Variants in ARHGAP45 observed in about 807,000 individuals in gnomAD.
The protein encoded by ARHGAP45 is rho GTPase-activating protein 45.
A neutral mutation model predicts 116.1 loss-of-function variants in ARHGAP45; 56 were observed. The ratio of observed to expected loss-of-function variants is 0.48; its 90% CI spans 0.39 to 0.60. ARHGAP45 has a LOEUF of 0.60. Ranked by LOEUF, ARHGAP45 falls within the 20% of genes least tolerant of loss-of-function variation. The probability of loss-of-function intolerance (pLI) is 0.00; values close to 1 mark genes in which losing one functional copy is unlikely to be tolerated. For missense variants in ARHGAP45, 1,622 were observed against 1,601.0 expected (o/e 1.01, Z -0.22); for synonymous variants, 866 against 701.7 (o/e 1.23, Z -3.70).
chr19:1,077,663 G>C (rs2043289843), intron 10 of ARHGAP45, 194 bp from the exon 11 acceptor site: 1 of 1,454,018 alleles, frequency 6.9e-7, no homozygotes, highest in African/African-American at 1.4e-5. Context: ...TGGGATTACA[G>C]ACGTGAGCCA....
chr19:1,084,989 G>C (rs1028272463), intron 22 of ARHGAP45, among the ~76,000 whole-genome samples: 3 of 152,182 alleles, frequency 2.0e-5, no homozygotes, highest in African/African-American at 7.2e-5. Context: ...GGCTGAAGCA[G>C]GAGAATCACT....
chr19:1,078,025 G>A lies in ARHGAP45; in HGVS notation c.1354G>A (p.Glu452Lys). The change falls in exon 11 of 23, where the codon GAG becomes AAG. Residue 452 changes from glutamate to lysine, a missense_variant. Glu to Lys is a moderately conservative substitution (Grantham distance 56). Around this residue, in one of 3 missense-constraint regions of ARHGAP45, gnomAD observed 1,334 missense variants for 1,263.8 expected, o/e 1.06. Coordinates refer to ENST00000313093, the MANE Select transcript of ARHGAP45 (RefSeq NM_012292.5). ...TKTLDKRRRLEEEAKNKAEEA... is the reference protein window; with the variant it reads ...TKTLDKRRRLKEEAKNKAEEA... ...GACCCTGGACAAGCGGCGGCGGCTG[G>A]AGGAGGAGGCCAAGAACAAGGTGAG... 6.4e-7 allele frequency: 1 copy of A among 1,554,122 alleles called. No individual in the cohort carries two copies. Among genetic ancestry groups the A allele is most frequent in the South Asian group, 1.2e-5 (1 of 84,398 alleles).
At chr19:1,082,607 G>A (rs1447296860) in intron 19 of ARHGAP45, 1 of 541,458 alleles carries the variant, frequency 1.8e-6, no homozygotes, top group East Asian at 3.2e-5. Flanking sequence ...TGCAGGGCGG[G>A]GCGCGCGTGG....
chr19:1,067,760 G>A, intron 1 of ARHGAP45: 1 of 657,896 alleles, frequency 1.5e-6, no homozygotes, highest in South Asian at 1.6e-5. Flanking sequence ...GGAGGGTGCC[G>A]GGTTGGGACG....
In ARHGAP45 at chr19:1,080,300, T is replaced by C; in HGVS notation, c.1749T>C (p.Asp583=). The stretch of plus-strand genomic sequence containing the variant: ...GGAAGAGCAGCTTCAACGTGAGTGA[T>C]GTGGCGCGGCCGGAGGCTGCCGGGA... ...RARKSSFNVS[D]VARPEAAGSP... is the part of the protein sequence containing the mutation. The change falls in exon 14 of 23, where the codon GAT becomes GAC. Residue 583 remains aspartate, a synonymous_variant. Transcript: ENST00000313093. 6.2e-7 allele frequency: 1 copy of C among 1,612,426 alleles called. No homozygotes were observed.
chr19:1,080,740 G>C lies in ARHGAP45; in HGVS notation c.1971G>C (p.Glu657Asp), dbSNP rs149053443. 73 of 1,613,598 alleles carry C rather than the reference G, an allele frequency of 4.5e-5. 1 individual carries two copies. The African/African-American group carries it at 8.9e-4, about 20-fold the overall frequency. ...GTGGTACCATGTCGTCCACGGAGGA[G>C]CTGGTGGACCCAGACGGTGGAGCCG... ...SSSGTMSSTE[E>D]LVDPDGGAGA... The change falls in exon 16 of 23, where the codon GAG becomes GAC. Residue 657 changes from glutamate (E) to aspartate (D), a missense_variant. Transcript: ENST00000313093.
rs533921741 is a variant in ARHGAP45 at position 1,085,556 on chromosome 19, T to TC, written c.3065-98dup. The TC allele has an allele frequency of 8.3e-5, 64 of 771,872 alleles. No individual in the cohort carries two copies. The Middle Eastern group carries it at 1.2e-3, about 15-fold the overall frequency. 47.8% of individuals were successfully genotyped at this position (771,872 alleles called of 1,614,324 possible). ...CATCTCTCCTGTCTCTCCATCTCTC[T>TC]CCCCCCTCTCCTGTCTCTCCCCATC... is the stretch of plus-strand genomic sequence containing the variant. On this transcript the variant is annotated intron_variant, in intron 22 of 22. Coordinates refer to ENST00000313093, the MANE Select transcript of ARHGAP45 (RefSeq NM_012292.5).
At chr19:1,072,680 C>A (rs1253200833) in intron 2 of ARHGAP45, among the ~76,000 whole-genome samples, 1 of 152,218 alleles carries the variant, frequency 6.6e-6, no homozygotes, top group African/African-American at 2.4e-5. Context: ...CGTTCTCACG[C>A]CTTCAGAGCT....
chr19:1,072,539 G>A (rs1343074687), intron 2 of ARHGAP45, among the ~76,000 whole-genome samples: 1 of 152,166 alleles, frequency 6.6e-6, no homozygotes, highest in Non-Finnish European at 1.5e-5. Context: ...ACAGGTGTAA[G>A]CCACCACCCC....
chr19:1,068,948 G>C lies in ARHGAP45; in HGVS notation c.421+204G>C, dbSNP rs1285758252. 8.1e-6 allele frequency among the ~76,000 whole-genome samples: 1 copy of C among 124,184 alleles called. No homozygotes were observed. The highest frequency in any genetic ancestry group is 1.7e-5 in the Non-Finnish European group (1 of 58,402). The allele number at this position is 124,184 out of a possible 152,430, so 81.5% of individuals were successfully genotyped here. On this transcript the variant is annotated intron_variant, in intron 2 of 22. Transcript: ENST00000313093. This position sits in a 1 kb window ranked among gnomAD's most constrained non-coding sequence, Gnocchi z 7.5. The stretch of plus-strand genomic sequence containing the variant: ...TCCCTGAGCGTACACTGGCTCAAGA[G>C]GGTGCCCACTTTATTTTTTTTAAAG...
chr19:1,067,368 C>G lies in ARHGAP45; in HGVS notation c.-38C>G. ...GCCGGGAGCTGCAGCGCTGAGACCC[C>G]CAGCCCGCCCCCTCGGGCTCCCGGC... On this transcript the variant is annotated 5_prime_UTR_variant, in exon 1 of 23. Coordinates refer to ENST00000313093, the MANE Select transcript of ARHGAP45 (RefSeq NM_012292.5). 1.3e-6 allele frequency: 2 copies of G among 1,531,888 alleles called. No homozygotes were observed. Among genetic ancestry groups the G allele is most frequent in the Non-Finnish European group, 1.8e-6 (2 of 1,141,668 alleles). 94.9% of individuals were successfully genotyped at this position (1,531,888 alleles called of 1,614,324 possible).
intron 22 of ARHGAP45, among the ~76,000 whole-genome samples, chr19:1,084,677 C>A (rs574480739): frequency 6.6e-6 from 1 of 152,142 alleles, no homozygotes; most frequent in Non-Finnish European, 1.5e-5. Flanking sequence ...TAGAGAAGGG[C>A]GTGGGGCTGG....
chr19:1,082,891 G>T lies in ARHGAP45; in HGVS notation c.2569G>T (p.Ala857Ser), dbSNP rs774919028. Residue 857 changes from alanine (A) to serine (S), a missense_variant, in exon 20 of 23, where the codon GCC (alanine) becomes TCC (serine). By Grantham distance (99) the Ala-to-Ser change is moderately conservative. Around this residue, in one of 3 missense-constraint regions of ARHGAP45, gnomAD observed 1,334 missense variants for 1,263.8 expected, o/e 1.06. Transcript: ENST00000313093. The stretch of plus-strand genomic sequence containing the variant: ...CCTCTACCACGAGCTCGTAGGGCTG[G>T]CCAAGGACAGCCTGAAGGCAGAGGC... ...FRLYHELVGLAKDSLKAEAEA... is the reference protein window; with the variant it reads ...FRLYHELVGLSKDSLKAEAEA... The T allele has an allele frequency of 1.3e-6, 2 of 1,590,124 alleles. No homozygotes were observed. The highest frequency in any genetic ancestry group is 2.3e-5 in the East Asian group (1 of 44,208).
chr19:1,084,498 C>T, intron 22 of ARHGAP45, 152 bp downstream of exon 22: 2 of 613,754 alleles, frequency 3.3e-6, no homozygotes, highest in South Asian at 4.0e-5. Flanking sequence ...CACCTATGAG[C>T]TACTCATTCA....
At chr19:1,081,136 T>G in intron 17 of ARHGAP45, 72 bp downstream of exon 17, 1 of 1,481,750 alleles carries the variant, frequency 6.7e-7, no homozygotes, top group Non-Finnish European at 9.1e-7. Context: ...CGCCGGCCTG[T>G]GTGCCCTCAG....
At chr19:1,067,723 T>G (rs1472039989) in intron 1 of ARHGAP45, 1 of 689,504 alleles carries the variant, frequency 1.5e-6, no homozygotes, top group Non-Finnish European at 2.6e-6. Flanking sequence ...CATCCAGGGC[T>G]GGCCGCGGGG....
In ARHGAP45 at chr19:1,086,341, T is replaced by G; in HGVS notation, c.*335T>G. 1 of 274,860 alleles carries G rather than the reference T, an allele frequency of 3.6e-6. No homozygotes were observed. Among genetic ancestry groups the G allele is most frequent in the Non-Finnish European group, 7.0e-6 (1 of 142,200 alleles). 17.0% of individuals were successfully genotyped at this position (274,860 alleles called of 1,614,324 possible). ...GTCCCTGCCCAGTGCATCCCCCAGGTCATCACGGGGACGCAGGAGGCAGGC... is the reference window on the plus strand; with the variant it reads ...GTCCCTGCCCAGTGCATCCCCCAGGGCATCACGGGGACGCAGGAGGCAGGC... On this transcript the variant is annotated 3_prime_UTR_variant, in exon 23 of 23. Coordinates refer to ENST00000313093, the MANE Select transcript of ARHGAP45 (RefSeq NM_012292.5).
intron 10 of ARHGAP45, among the ~76,000 whole-genome samples, chr19:1,076,030 T>C (rs1327754110): frequency 6.6e-6 from 1 of 152,140 alleles, no homozygotes; most frequent in Non-Finnish European, 1.5e-5. Flanking sequence ...CCTGAACCCC[T>C]TTTTTCGGCT....
chr19:1,086,012 G>A lies in ARHGAP45; in HGVS notation c.*6G>A. On this transcript the variant is annotated 3_prime_UTR_variant, in exon 23 of 23. Transcript: ENST00000313093. The stretch of plus-strand genomic sequence containing the variant: ...GGCAGCCGGAATTCGTGTGAGCTGG[G>A]GTGGGGCTGGGACCACAGGTGGCTT... 1 of 1,607,838 alleles carries A rather than the reference G, an allele frequency of 6.2e-7. No homozygotes were observed. Among genetic ancestry groups the A allele is most frequent in the African/African-American group, 1.3e-5 (1 of 74,954 alleles).
Sources: allele counts gnomAD v4.1 joint callset (sites outside exome capture counted in the v4.1 genomes callset), GRCh38; gene constraint gnomAD v4.1.1; regional missense constraint gnomAD v4.1.1; non-coding constraint Gnocchi (gnomAD v3.1); transcripts MANE v1.5; gene names NCBI Gene and HGNC (gene_info 2026-07-23, HGNC 2026-07-21).